EVI5: variants seen among roughly 807,000 people sequenced by gnomAD.
EVI5 encodes the protein ecotropic viral integration site 5 protein homolog.
In EVI5, 73 loss-of-function variants were observed where a neutral mutation model predicts 112.0. That is an observed-to-expected ratio of 0.65 (90% CI 0.54 to 0.79). EVI5 has a LOEUF of 0.79. Ranked by LOEUF, EVI5 falls within the 30% of genes least tolerant of loss-of-function variation. The pLI is 0.00. For missense variants in EVI5, 900 were observed against 968.8 expected (o/e 0.93, Z 0.94); for synonymous variants, 305 against 319.9 (o/e 0.95, Z 0.50).
At chr1:92,729,594 T>C (rs1676126429) in intron 2 of EVI5, among the ~76,000 whole-genome samples, 1 of 152,150 alleles carries the variant, frequency 6.6e-6, no homozygotes, top group Non-Finnish European at 1.5e-5. Context: ...TACCAAAATG[T>C]GTGGGTGGTG....
intron 14 of EVI5, among the ~76,000 whole-genome samples, chr1:92,628,847 G>A (rs1242599056): frequency 1.3e-5 from 2 of 152,114 alleles, no homozygotes; most frequent in Non-Finnish European, 2.9e-5. Flanking sequence ...TTCTTATAAT[G>A]GACTTTAAAT....
At chr1:92,724,001 T>C (rs1355610330) in intron 2 of EVI5, among the ~76,000 whole-genome samples, 2 of 152,172 alleles carry the variant, frequency 1.3e-5, no homozygotes, top group Admixed American at 6.5e-5. Context: ...GTCAGACTGG[T>C]TGTCTGCTCT....
chr1:92,792,355 T>C, exon 1 of EVI5: 1 of 1,606,088 alleles, frequency 6.2e-7, no homozygotes, highest in Non-Finnish European at 8.5e-7. Context: ...TGTTTCCCAC[T>C]AGGGTTTCTA....
chr1:92,583,588 T>TA (rs144992159), intron 18 of EVI5, among the ~76,000 whole-genome samples: 3,076 of 149,816 alleles, frequency 0.021, 118 homozygotes, highest in African/African-American at 0.071. Context: ...CAAAGAAATC[T>TA]AAAATAGAAG....
chr1:92,605,173 T>G (rs1302753987), intron 18 of EVI5, 134 bp downstream of exon 18: 2 of 635,858 alleles, frequency 3.1e-6, no homozygotes, highest in Non-Finnish European at 5.4e-6. Flanking sequence ...TTTACCACAA[T>G]AAAAAAAAAT....
At chr1:92,522,960 G>A (rs1381614587) in intron 19 of EVI5, among the ~76,000 whole-genome samples, 1 of 151,938 alleles carries the variant, frequency 6.6e-6, no homozygotes, top group Non-Finnish European at 1.5e-5. Context: ...GGTTTCACTC[G>A]GTTGCCCAGG....
chr1:92,515,138 A>T (rs1179146860), intron 19 of EVI5, among the ~76,000 whole-genome samples: 2 of 152,170 alleles, frequency 1.3e-5, no homozygotes, highest in Non-Finnish European at 2.9e-5. Flanking sequence ...ATCTTTTAGA[A>T]TGAGGCTCTA....
chr1:92,563,569 C>A (rs749335927), intron 19 of EVI5, 73 bp downstream of exon 19: 1 of 691,674 alleles, frequency 1.4e-6, no homozygotes, highest in Non-Finnish European at 2.5e-6. Flanking sequence ...AGTCTTATAA[C>A]CAGTAATAAA....
In EVI5 at chr1:92,563,694, G is replaced by T; in HGVS notation, c.2114C>A (p.Ser705Tyr). 1.2e-6 allele frequency: 2 copies of T among 1,609,834 alleles called. No individual in the cohort carries two copies. The highest frequency in any genetic ancestry group is 1.7e-6 in the Non-Finnish European group (2 of 1,177,134). Residue 705 changes from serine (S) to tyrosine (Y), a missense_variant, in exon 19 of 20, where the codon TCT (serine) becomes TAT (tyrosine). Coordinates refer to ENST00000684568, the MANE Select transcript of EVI5 (RefSeq NM_001350197.2). Reference sequence around the variant, plus strand: ...TTTCAGTTCCCCAATATACTGGTTAGAATCAGACTTGTTAAGCTGTCCTTG... The same window carrying T: ...TTTCAGTTCCCCAATATACTGGTTATAATCAGACTTGTTAAGCTGTCCTTG... ...KLQGQLNKSD[S>Y]NQYIGELKDQ...
intron 16 of EVI5, among the ~76,000 whole-genome samples, chr1:92,619,445 CAT>C (rs34573809): frequency 0.037 from 5,413 of 146,608 alleles, 315 homozygotes; most frequent in African/African-American, 0.12. Context: ...AATAAACTCC[CAT>C]ATATATATAT....
intron 14 of EVI5, among the ~76,000 whole-genome samples, chr1:92,634,641 G>A (rs911107447): frequency 4.1e-4 from 63 of 152,188 alleles, no homozygotes; most frequent in Non-Finnish European, 4.0e-4. Context: ...CCTTTAGCTC[G>A]GAGTAGTTTG....
rs147039182 is a variant in EVI5 at position 92,720,144 on chromosome 1, T to C, written c.150-15400A>G. Among the ~76,000 whole-genome samples, 224 of 152,086 alleles carry C rather than the reference T, an allele frequency of 1.5e-3. 4 individuals carry two copies. The highest frequency in any genetic ancestry group is 5.1e-3 in the African/African-American group (211 of 41,402). ...CAATGCTATCCCCATGAAGCTACAA[T>C]TGACTTTCTTCACAGAATTGGAAAA... On this transcript the variant is annotated intron_variant, in intron 2 of 19. Transcript: ENST00000684568.
In EVI5 at chr1:92,580,292, T is replaced by C. The variant is rs187581222; in HGVS notation, c.2071-16555A>G. ...CCAATAATGTTGTAATCTTTTGCAA[T>C]TGTCTGCTAGTGATCCTGATTCATA... On this transcript the variant is annotated intron_variant, in intron 18 of 19. Coordinates refer to ENST00000684568, the MANE Select transcript of EVI5 (RefSeq NM_001350197.2). 8.5e-5 allele frequency among the ~76,000 whole-genome samples: 13 copies of C among 152,336 alleles called. No homozygotes were observed. In the East Asian group the frequency reaches 2.3e-3, roughly 27 times the overall value.
intron 18 of EVI5, among the ~76,000 whole-genome samples, chr1:92,589,151 G>A (rs61288876): frequency 0.084 from 12,755 of 152,148 alleles, 1,512 homozygotes; most frequent in African/African-American, 0.26. Context: ...CAATATGGCC[G>A]AATAGGAACA....
chr1:92,520,746 G>A (rs921040403), intron 19 of EVI5, among the ~76,000 whole-genome samples: 10 of 151,654 alleles, frequency 6.6e-5, no homozygotes, highest in African/African-American at 2.2e-4. Context: ...AACTACTCAG[G>A]AAGCTGAGGT....
At position 92,792,383 on chromosome 1, in the gene EVI5, G is replaced by T. The variant is rs370949072; in HGVS notation, c.12C>A (p.Asn4Lys). Residue 4 changes from asparagine (N) to lysine (K), a missense_variant, in exon 1 of 18, where the codon AAC becomes AAA. Asn to Lys is a moderately conservative substitution (Grantham distance 94). Transcript: ENST00000370331. ...GGTTTCTAAAGGCAGCAGTCATTTT[G>T]TTGGTAACCATGATAAGCAGAGAAG... The T allele has an allele frequency of 2.5e-6, 4 of 1,610,226 alleles. No individual in the cohort carries two copies. The African/African-American group carries it at 4.0e-5, about 16-fold the overall frequency.
At chr1:92,540,781 AACAGAAGCTTGGCCAGGC>A (rs1439835774) in intron 19 of EVI5, among the ~76,000 whole-genome samples, 1 of 152,170 alleles carries the variant, frequency 6.6e-6, no homozygotes, top group Non-Finnish European at 1.5e-5. Context: ...TTCCTATAAA[AACAGAAGCTTGGCCAGGC>A]ACAGTGGCTC....
intron 14 of EVI5, among the ~76,000 whole-genome samples, chr1:92,633,944 T>G (rs1658088606): frequency 6.6e-6 from 1 of 152,220 alleles, no homozygotes; most frequent in African/African-American, 2.4e-5. Context: ...TTATGAAGCT[T>G]AGTTTGGCTG....
intron 2 of EVI5, among the ~76,000 whole-genome samples, chr1:92,722,125 C>T (rs1570588428): frequency 6.6e-6 from 1 of 152,034 alleles, no homozygotes; most frequent in Admixed American, 6.6e-5. Context: ...CTAAATCAAG[C>T]TAATTCACAT....
Sources: gnomAD v4.1 joint callset for allele counts (sites outside exome capture counted in the v4.1 genomes callset) on GRCh38, gnomAD v4.1.1 for gene constraint, MANE v1.5 for transcripts, NCBI Gene and HGNC (gene_info 2026-07-23, HGNC 2026-07-21) for gene names.